The following RSBN1L variants were observed in gnomAD, a reference collection of about 807,000 sequenced individuals.
RSBN1L encodes the protein round spermatid basic protein 1 like.
A neutral mutation model predicts 67.7 loss-of-function variants in RSBN1L; 30 were observed. That is an observed-to-expected ratio of 0.44 (90% CI 0.33 to 0.60). The LOEUF (loss-of-function observed/expected upper bound fraction) is 0.60. Ranked by LOEUF, RSBN1L falls within the 20% of genes least tolerant of loss-of-function variation. RSBN1L has a pLI of 0.02. For missense variants in RSBN1L, 992 were observed against 1,031.7 expected (o/e 0.96, Z 0.53); for synonymous variants, 433 against 387.0 (o/e 1.12, Z -1.39).
At chr7:77,754,310 CAA>C (rs753350864) in intron 3 of RSBN1L, among the ~76,000 whole-genome samples, 32 of 152,256 alleles carry the variant, frequency 2.1e-4, no homozygotes, top group Admixed American at 6.5e-4. Context: ...TTTCAAGTTT[CAA>C]AGAGTTATCT....
At chr7:77,697,286 G>A (rs1171758746) in intron 1 of RSBN1L, 1 of 386,234 alleles carries the variant, frequency 2.6e-6, no homozygotes, top group Non-Finnish European at 4.5e-6. Context: ...TTTCTGTATC[G>A]TTTCTTCCTC....
chr7:77,771,955 C>G (rs1371454537), intron 5 of RSBN1L, among the ~76,000 whole-genome samples: 1 of 152,080 alleles, frequency 6.6e-6, no homozygotes, highest in Non-Finnish European at 1.5e-5. Context: ...TGAGGAACTT[C>G]CATTCACTTC....
chr7:77,751,860 C>T (rs1562805172), intron 3 of RSBN1L, among the ~76,000 whole-genome samples: 1 of 152,164 alleles, frequency 6.6e-6, no homozygotes, highest in Non-Finnish European at 1.5e-5. Context: ...TCTATTGGGC[C>T]TCTTGGCTCC....
At chr7:77,714,282 T>A (rs1003645189) in intron 1 of RSBN1L, among the ~76,000 whole-genome samples, 3 of 152,126 alleles carry the variant, frequency 2.0e-5, no homozygotes, top group African/African-American at 7.2e-5. Flanking sequence ...GTTTTATGAG[T>A]TTTGATGAAT....
chr7:77,751,150 GTTTTTTT>G (rs1791551393), intron 3 of RSBN1L, among the ~76,000 whole-genome samples: 1 of 121,704 alleles, frequency 8.2e-6, no homozygotes. Context: ...ATAATGTGGT[GTTTTTTT>G]GTTTTTTGTT....
intron 3 of RSBN1L, among the ~76,000 whole-genome samples, chr7:77,752,256 C>T (rs1304761604): frequency 1.3e-5 from 2 of 152,098 alleles, no homozygotes; most frequent in Non-Finnish European, 2.9e-5. Flanking sequence ...TGTTTTTTAC[C>T]AGTTGTGGTT....
chr7:77,717,016 A>C (rs2150415023), intron 1 of RSBN1L, among the ~76,000 whole-genome samples: 1 of 149,194 alleles, frequency 6.7e-6, no homozygotes, highest in South Asian at 2.1e-4. Context: ...GCTGGAGTGC[A>C]GTGGCGTAAT....
chr7:77,763,619 A>G (rs927528878), intron 3 of RSBN1L, among the ~76,000 whole-genome samples: 52 of 152,318 alleles, frequency 3.4e-4, no homozygotes, highest in African/African-American at 1.3e-3. Flanking sequence ...ATTGGAGATG[A>G]TAGGAATTTT....
chr7:77,741,615 C>A (rs574950750), intron 2 of RSBN1L, among the ~76,000 whole-genome samples: 1 of 151,222 alleles, frequency 6.6e-6, no homozygotes, highest in East Asian at 2.0e-4. Context: ...TGGTGTGAAC[C>A]CGGGAGGTGG....
chr7:77,767,766 T>C (rs1309947001), intron 4 of RSBN1L, among the ~76,000 whole-genome samples: 1 of 43,064 alleles, frequency 2.3e-5, no homozygotes, highest in Non-Finnish European at 4.0e-5. Context: ...CCCTCCCCCT[T>C]CCCCTCCTCT....
intron 3 of RSBN1L, among the ~76,000 whole-genome samples, chr7:77,761,442 G>A (rs1791696559): frequency 6.6e-6 from 1 of 152,188 alleles, no homozygotes; most frequent in African/African-American, 2.4e-5. Flanking sequence ...CACCGCCCTT[G>A]AGTTCTTCGC....
intron 1 of RSBN1L, among the ~76,000 whole-genome samples, chr7:77,727,321 C>T (rs1791217476): frequency 1.3e-5 from 2 of 151,898 alleles, no homozygotes; most frequent in South Asian, 2.1e-4. Flanking sequence ...TCCCGACCTC[C>T]AGTGATCTGT....
intron 4 of RSBN1L, among the ~76,000 whole-genome samples, chr7:77,765,934 A>G (rs745465735): frequency 1.3e-5 from 2 of 152,214 alleles, no homozygotes; most frequent in Non-Finnish European, 2.9e-5. Context: ...ATTAGGTTCC[A>G]TGTGTTTATC....
intron 1 of RSBN1L, among the ~76,000 whole-genome samples, chr7:77,709,246 C>G (rs1404984972): frequency 3.3e-5 from 5 of 150,926 alleles, no homozygotes; most frequent in Non-Finnish European, 7.4e-5. Flanking sequence ...GGAGGGGACC[C>G]TTTTAGAACT....
intron 2 of RSBN1L, among the ~76,000 whole-genome samples, chr7:77,741,535 C>CA (rs1012386809): frequency 1.5e-4 from 22 of 151,096 alleles, no homozygotes; most frequent in African/African-American, 4.4e-4. Flanking sequence ...ACTAAAAATA[C>CA]AAAAAAATTA....
rs11539809 is a variant in RSBN1L at position 77,696,582 on chromosome 7, G to C, written c.113G>C (p.Gly38Ala). ...KLQLSSRDPP[G>A]SLSAKKVRTE... ...CAACTCTCCTCCCGGGACCCTCCGG[G>C]TTCTCTGTCCGCCAAGAAGGTCCGG... Residue 38 changes from glycine (G) to alanine (A), a missense_variant, in exon 1 of 8, where the codon GGT becomes GCT. By Grantham distance (60) the Gly-to-Ala change is moderately conservative. Coordinates refer to ENST00000334955, the MANE Select transcript of RSBN1L (RefSeq NM_198467.3). The C allele has an allele frequency of 2.5e-6, 4 of 1,613,996 alleles. No individual in the cohort carries two copies. Among genetic ancestry groups the C allele is most frequent in the Non-Finnish European group, 8.5e-7 (1 of 1,180,008 alleles).
chr7:77,768,715 A>G lies in RSBN1L; in HGVS notation c.1537A>G (p.Ser513Gly). ...SSLKLQSRKD[S>G]DDGPIMWVRP... ...TCTAAAATTACAGAGTCGAAAAGAT[A>G]GTGATGATGGTCCCATCATGTGGGT... Residue 513 changes from serine to glycine, a missense_variant, in exon 5 of 8, where the codon AGT becomes GGT. Physicochemically the swap from Ser to Gly is moderately conservative, Grantham distance 56 (BLOSUM62 0). Transcript: ENST00000334955. 6.2e-7 allele frequency: 1 copy of G among 1,613,534 alleles called. No homozygotes were observed. The highest frequency in any genetic ancestry group is 8.5e-7 in the Non-Finnish European group (1 of 1,179,432).
Position 77,778,666 on chromosome 7 carries a change from C to G in RSBN1L, c.2039C>G (p.Ala680Gly). Reference protein sequence around the residue: ...NVVHQFKTVSAVCSLAWHIRL... With the variant: ...NVVHQFKTVSGVCSLAWHIRL... ...GTTCATCAGTTCAAGACAGTTTCAG[C>G]TGTATGCAGTTTAGCATGGCATATT... Residue 680 changes from alanine to glycine, a missense_variant, in exon 8 of 8, where the codon GCT becomes GGT. Around this residue, in one of 7 missense-constraint regions of RSBN1L, gnomAD observed 55 missense variants for 112.8 expected, o/e 0.49. Transcript: ENST00000334955. 6.2e-7 allele frequency: 1 copy of G among 1,614,044 alleles called. No individual in the cohort carries two copies. The highest frequency in any genetic ancestry group is 1.3e-5 in the African/African-American group (1 of 75,034).
intron 3 of RSBN1L, among the ~76,000 whole-genome samples, chr7:77,761,139 T>C (rs117801868): frequency 0.011 from 1,672 of 152,354 alleles, 13 homozygotes; most frequent in Non-Finnish European, 0.016. Flanking sequence ...TATAAAAATA[T>C]CTTCATTGCT....
Sources: gnomAD v4.1 joint callset for allele counts (sites outside exome capture counted in the v4.1 genomes callset) on GRCh38, gnomAD v4.1.1 for gene constraint, gnomAD v4.1.1 regional missense constraint, MANE v1.5 for transcripts, NCBI Gene and HGNC (gene_info 2026-07-23, HGNC 2026-07-21) for gene names.